Variants in EXOC6B observed in about 807,000 individuals in gnomAD.
EXOC6B encodes SEC15 homolog B.
EXOC6B carries 54 observed loss-of-function variants against 113.5 expected under a neutral mutation model. The ratio of observed to expected loss-of-function variants is 0.48; its 90% CI spans 0.38 to 0.60. The LOEUF (loss-of-function observed/expected upper bound fraction) is 0.60. Ranked by LOEUF, EXOC6B falls within the 20% of genes least tolerant of loss-of-function variation. The probability of loss-of-function intolerance (pLI) is 0.00; values close to 1 mark genes in which losing one functional copy is unlikely to be tolerated. For synonymous variants in EXOC6B, 357 were observed against 339.0 expected (o/e 1.05, Z -0.58); for missense variants, 797 against 977.5 (o/e 0.82, Z 2.46).
At chr2:72,480,592 C>A in intron 17 of EXOC6B, 24 bp downstream of exon 17, 1 of 1,561,844 alleles carries the variant, frequency 6.4e-7, no homozygotes, top group East Asian at 2.3e-5. Context: ...GAAGCAGTTC[C>A]ACAGTACTGT....
At chr2:72,805,976 G>C (rs536295767) in intron 1 of EXOC6B, among the ~76,000 whole-genome samples, 1 of 151,946 alleles carries the variant, frequency 6.6e-6, no homozygotes, top group South Asian at 2.1e-4. Flanking sequence ...TCTTTCATAA[G>C]GCTCAATAGT....
chr2:72,318,067 T>C (rs1323616463), intron 20 of EXOC6B, among the ~76,000 whole-genome samples: 1 of 152,220 alleles, frequency 6.6e-6, no homozygotes, highest in Admixed American at 6.5e-5. Context: ...AAGGCTCTTT[T>C]CTGTAGTACC....
intron 20 of EXOC6B, among the ~76,000 whole-genome samples, chr2:72,240,307 CT>C (rs1382013857): frequency 2.0e-5 from 3 of 152,134 alleles, no homozygotes; most frequent in African/African-American, 7.2e-5. Context: ...AGGTTTAATG[CT>C]TTCTTCAAGA....
At chr2:72,395,778 A>G (rs1410396682) in intron 18 of EXOC6B, among the ~76,000 whole-genome samples, 1 of 152,148 alleles carries the variant, frequency 6.6e-6, no homozygotes, top group Non-Finnish European at 1.5e-5. Context: ...GATCTTCCTC[A>G]GTAGTGAAAT....
intron 18 of EXOC6B, among the ~76,000 whole-genome samples, chr2:72,457,817 T>C (rs1221739944): frequency 1.3e-5 from 2 of 152,124 alleles, no homozygotes; most frequent in Non-Finnish European, 2.9e-5. Context: ...CTCATGAAGA[T>C]AGGCAGGCTG....
At chr2:72,688,398 T>C (rs536336075) in intron 6 of EXOC6B, among the ~76,000 whole-genome samples, 33 of 152,296 alleles carry the variant, frequency 2.2e-4, no homozygotes, top group African/African-American at 7.0e-4. Flanking sequence ...CTAAAACTTA[T>C]TTTCATGGGG....
chr2:72,440,841 C>T (rs550149611), intron 18 of EXOC6B, among the ~76,000 whole-genome samples: 107 of 151,898 alleles, frequency 7.0e-4, no homozygotes, highest in South Asian at 3.9e-3. Flanking sequence ...GGAAAATCTA[C>T]GAAGCAAATG....
chr2:72,318,496 C>A (rs1687656909), intron 20 of EXOC6B, among the ~76,000 whole-genome samples: 1 of 152,014 alleles, frequency 6.6e-6, no homozygotes, highest in African/African-American at 2.4e-5. Flanking sequence ...TGGGTTCAAG[C>A]AATTCTCCTG....
At chr2:72,574,851 T>A (rs942608516) in intron 7 of EXOC6B, among the ~76,000 whole-genome samples, 1 of 152,146 alleles carries the variant, frequency 6.6e-6, no homozygotes, top group Non-Finnish European at 1.5e-5. Flanking sequence ...GTTTTATTTT[T>A]AAAAACACAT....
chr2:72,550,252 C>T (rs1045383029), intron 8 of EXOC6B, among the ~76,000 whole-genome samples: 1 of 152,040 alleles, frequency 6.6e-6, no homozygotes, highest in Admixed American at 6.5e-5. Context: ...CTATCCTTTA[C>T]CATGCAGTAA....
chr2:72,384,004 G>A (rs942187426), intron 18 of EXOC6B, among the ~76,000 whole-genome samples: 1 of 152,004 alleles, frequency 6.6e-6, no homozygotes, highest in Non-Finnish European at 1.5e-5. Context: ...CTTGAGGGTG[G>A]AAGATGGGAG....
chr2:72,369,350 C>T lies in EXOC6B; in HGVS notation c.2122+10379G>A, dbSNP rs371596316. ...AGGAGAACTACAAACCACTGCTCAA[C>T]GAAATAAAAGAGGATACAAAGAAAT... On this transcript the variant is annotated intron_variant, in intron 19 of 21. Transcript: ENST00000272427. Among the ~76,000 whole-genome samples, 549 of 152,094 alleles carry T rather than the reference C, an allele frequency of 3.6e-3. 5 individuals carry two copies. Among genetic ancestry groups the T allele is most frequent in the Non-Finnish European group, 6.0e-3 (410 of 68,002 alleles).
At chr2:72,746,294 C>T (rs1681689839) in intron 1 of EXOC6B, among the ~76,000 whole-genome samples, 1 of 151,890 alleles carries the variant, frequency 6.6e-6, no homozygotes, top group Non-Finnish European at 1.5e-5. Context: ...TACTATAGTA[C>T]TTAGTAAAAG....
intron 6 of EXOC6B, among the ~76,000 whole-genome samples, chr2:72,613,504 T>C (rs1219849240): frequency 6.6e-6 from 1 of 151,932 alleles, no homozygotes; most frequent in East Asian, 1.9e-4. Context: ...ACAAAAATAA[T>C]ATGCATAGAC....
intron 18 of EXOC6B, chr2:72,464,923 G>T: frequency 1.8e-6 from 1 of 541,786 alleles, no homozygotes; most frequent in South Asian, 2.9e-5. Context: ...GAACATCATA[G>T]GAAGATAAGC....
intron 2 of EXOC6B, among the ~76,000 whole-genome samples, chr2:72,739,457 G>T (rs1453869652): frequency 6.6e-6 from 1 of 151,954 alleles, no homozygotes; most frequent in Non-Finnish European, 1.5e-5. Context: ...TCAACAATTT[G>T]CCATATGTGT....
intron 1 of EXOC6B, among the ~76,000 whole-genome samples, chr2:72,771,883 T>C (rs1195559065): frequency 1.3e-5 from 2 of 152,176 alleles, no homozygotes; most frequent in Non-Finnish European, 2.9e-5. Flanking sequence ...GAATTATATA[T>C]ATATTAGTAT....
intron 20 of EXOC6B, among the ~76,000 whole-genome samples, chr2:72,294,962 G>A (rs1290725455): frequency 3.3e-5 from 5 of 152,008 alleles, no homozygotes; most frequent in Non-Finnish European, 7.4e-5. Flanking sequence ...GCTGGGTGGG[G>A]TGGCTCACGC....
At chr2:72,575,746 A>G in intron 6 of EXOC6B, 78 bp from the exon 7 acceptor site, 5 of 1,323,684 alleles carry the variant, frequency 3.8e-6, no homozygotes, top group South Asian at 1.8e-5. Flanking sequence ...AAAAGAAAAG[A>G]AACAAAACTT....
Sources: allele counts gnomAD v4.1 joint callset (sites outside exome capture counted in the v4.1 genomes callset), GRCh38; gene constraint gnomAD v4.1.1; transcripts MANE v1.5; gene names NCBI Gene and HGNC (gene_info 2026-07-23, HGNC 2026-07-21).